Variants in COL16A1 observed in about 807,000 individuals in gnomAD.
COL16A1 encodes collagen type XVI alpha 1 chain.
COL16A1 carries 189 observed loss-of-function variants against 266.3 expected under a neutral mutation model. That is an observed-to-expected ratio of 0.71 (90% CI 0.63 to 0.80). The LOEUF is 0.80. Among genes scored for constraint, COL16A1 ranks in the 30% least tolerant of loss-of-function variants. COL16A1 has a pLI of 0.00. For missense variants in COL16A1, 1,928 were observed against 2,122.4 expected, an observed-to-expected ratio of 0.91 and a Z score of 1.80; for synonymous variants, 740 against 782.3, an observed-to-expected ratio of 0.95 and a Z score of 0.90.
In COL16A1 at chr1:31,689,829, G is replaced by C. The variant is rs767901959; in HGVS notation, c.1532C>G (p.Pro511Arg). ...GTTCTGGAACCCTTCAGGCAGTGTT[G>C]GGCACACTTCACAGGGGTCACCCTA... is the stretch of plus-strand genomic sequence containing the variant. ...GEKGDPCEVCPTLPEGFQNFV... is the reference protein window; with the variant it reads ...GEKGDPCEVCRTLPEGFQNFV... The change falls in exon 23 of 71, where the codon CCA becomes CGA. Residue 511 changes from proline to arginine, a missense_variant. Physicochemically the swap from Pro to Arg is moderately radical, Grantham distance 103 (BLOSUM62 -2). Around this residue, in one of 2 missense-constraint regions of COL16A1, gnomAD observed 1,552 missense variants for 1,637.2 expected, o/e 0.95. Transcript: ENST00000373672. The C allele has an allele frequency of 1.9e-6, 3 of 1,614,030 alleles. No individual in the cohort carries two copies. In the Admixed American group the frequency reaches 5.0e-5, roughly 27 times the overall value.
Position 31,661,073 on chromosome 1 carries a change from C to G in COL16A1, c.3818G>C (p.Gly1273Ala), listed in dbSNP as rs1440070931. The G allele has an allele frequency of 6.4e-7, 1 of 1,564,798 alleles. No individual in the cohort carries two copies. Residue 1273 changes from glycine to alanine, a missense_variant, in exon 61 of 71, where the codon GGC becomes GCC. Coordinates refer to ENST00000373672, the MANE Select transcript of COL16A1 (RefSeq NM_001856.4). ...TGGATCCCTGGCCCTCACCTCTGCG[C>G]CAGGCCGGCCAGTGCTGCCAGGGGG... is the stretch of plus-strand genomic sequence containing the variant. ...PGPPGSTGRP[G>A]AEGEPGAMGP...
At position 31,658,673 on chromosome 1, in the gene COL16A1, C is replaced by G. The variant is rs1468001906; in HGVS notation, c.3931-96G>C. 4.1e-6 allele frequency: 5 copies of G among 1,218,134 alleles called. No individual in the cohort carries two copies. The East Asian group carries it at 1.3e-4, about 31-fold the overall frequency. 75.5% of individuals were successfully genotyped at this position (1,218,134 alleles called of 1,614,324 possible). A position where few individuals can be genotyped will look rare whatever the true frequency, so the allele number is the denominator to read the frequency against. The stretch of plus-strand genomic sequence containing the variant: ...CAGACACCCCATCGTGTGCCAGGGA[C>G]TACAGGGAGAGGTGGCACTGCCTGA... On this transcript the variant is annotated intron_variant, in intron 63 of 70. Transcript: ENST00000373672.
chr1:31,671,229 CAG>C (rs1642662983), intron 48 of COL16A1, among the ~76,000 whole-genome samples: 1 of 152,318 alleles, frequency 6.6e-6, no homozygotes, highest in Non-Finnish European at 1.5e-5. Flanking sequence ...ACTGGAGTCA[CAG>C]GGGCATGGAG....
Position 31,700,030 on chromosome 1 carries a change from T to G in COL16A1, c.148+11A>C. On this transcript the variant is annotated intron_variant, in intron 3 of 70. Coordinates refer to ENST00000373672, the MANE Select transcript of COL16A1 (RefSeq NM_001856.4). The stretch of plus-strand genomic sequence containing the variant: ...TGCAGGGACGGCGCGATGAGATGGT[T>G]GGGTGCTCACCAGTCACGTTGGCTG... The G allele has an allele frequency of 6.2e-7, 1 of 1,614,066 alleles. No homozygotes were observed. The highest frequency in any genetic ancestry group is 1.1e-5 in the South Asian group (1 of 91,078).
Position 31,683,174 on chromosome 1 carries a change from C to G in COL16A1, c.2469+20G>C, listed in dbSNP as rs1192955399. ...CTCTGGAATACTGCAGGCCCAATACCCATGGAGGCAGAGGCTCACCTGGGC... is the reference window on the plus strand; with the variant it reads ...CTCTGGAATACTGCAGGCCCAATACGCATGGAGGCAGAGGCTCACCTGGGC... On this transcript the variant is annotated intron_variant, in intron 36 of 70. Coordinates refer to ENST00000373672, the MANE Select transcript of COL16A1 (RefSeq NM_001856.4). The G allele has an allele frequency of 6.2e-6, 10 of 1,613,990 alleles. No individual in the cohort carries two copies. Among genetic ancestry groups the G allele is most frequent in the Non-Finnish European group, 8.5e-6 (10 of 1,180,022 alleles).
chr1:31,690,976 G>A (rs1448646835), intron 20 of COL16A1, among the ~76,000 whole-genome samples: 1 of 152,224 alleles, frequency 6.6e-6, no homozygotes, highest in Non-Finnish European at 1.5e-5. Context: ...GAACACAGGC[G>A]GAGGTTGCAG....
In COL16A1 at chr1:31,680,162, C is replaced by T. The variant is rs1159348108; in HGVS notation, c.2611-61G>A. On this transcript the variant is annotated intron_variant, in intron 39 of 70. Coordinates refer to ENST00000373672, the MANE Select transcript of COL16A1 (RefSeq NM_001856.4). ...AGACGAAGGGCTCTCTTGAAATGGACATCCGAGAGGCACGTGGGCTCTAGA... is the reference window on the plus strand; with the variant it reads ...AGACGAAGGGCTCTCTTGAAATGGATATCCGAGAGGCACGTGGGCTCTAGA... 5.5e-5 allele frequency: 87 copies of T among 1,578,996 alleles called. 1 individual carries two copies. In the South Asian group the frequency reaches 1.0e-3, roughly 18 times the overall value.
Position 31,668,961 on chromosome 1 carries a change from T to A in COL16A1, c.3196-106A>T. The A allele has an allele frequency of 1.0e-6, 1 of 975,612 alleles. No homozygotes were observed. The allele number at this position is 975,612 out of a possible 1,614,324, so 60.4% of individuals were successfully genotyped here. ...CTTCTGTTCCCACTCCAGGCAAATA[T>A]GGAGGCCATAGTGGCTCTCGTAGTG... On this transcript the variant is annotated intron_variant, in intron 49 of 70. Transcript: ENST00000373672. This position sits in a 1 kb window ranked among gnomAD's most constrained non-coding sequence, Gnocchi z 5.8.
At chr1:31,674,533 A>G (rs966313426) in intron 44 of COL16A1, among the ~76,000 whole-genome samples, 2 of 152,230 alleles carry the variant, frequency 1.3e-5, no homozygotes, top group African/African-American at 4.8e-5. Flanking sequence ...CCTTTCTTAG[A>G]CTACCAGAAG....
In COL16A1 at chr1:31,698,987, C is replaced by A. The variant is rs544351163; in HGVS notation, c.267-381G>T. ...GCAGGCGCCTGTAATCCCAGCTACC[C>A]GGGAGGCTGAGGCAGGAGAATTGCT... On this transcript the variant is annotated intron_variant, in intron 4 of 70. Coordinates refer to ENST00000373672, the MANE Select transcript of COL16A1 (RefSeq NM_001856.4). This position sits in a 1 kb window ranked among gnomAD's most constrained non-coding sequence, Gnocchi z 4.1. Among the ~76,000 whole-genome samples the A allele has an allele frequency of 1.3e-5, 2 of 152,020 alleles. No individual in the cohort carries two copies. The highest frequency in any genetic ancestry group is 2.9e-5 in the Non-Finnish European group (2 of 67,990).
At chr1:31,675,394 C>A in intron 42 of COL16A1, 83 bp from the exon 43 acceptor site, 1 of 1,550,112 alleles carries the variant, frequency 6.5e-7, no homozygotes, top group Non-Finnish European at 8.8e-7. Flanking sequence ...TCATCCCCGC[C>A]TCCTCTTCCC....
chr1:31,679,867 G>A lies in COL16A1; in HGVS notation c.2671-16C>T. The A allele has an allele frequency of 6.6e-7, 1 of 1,505,124 alleles. No homozygotes were observed. The allele number at this position is 1,505,124 out of a possible 1,614,324, so 93.2% of individuals were successfully genotyped here. A position where few individuals can be genotyped will look rare whatever the true frequency, so the allele number is the denominator to read the frequency against. The stretch of plus-strand genomic sequence containing the variant: ...CCGGAGCACCCTGGGTGGGAGTGGG[G>A]GTCGCAAAAGAAGGGGAGAGGTTAT... On this transcript the variant is annotated splice_polypyrimidine_tract_variant and intron_variant, in intron 40 of 70. Coordinates refer to ENST00000373672, the MANE Select transcript of COL16A1 (RefSeq NM_001856.4).
intron 22 of COL16A1, among the ~76,000 whole-genome samples, chr1:31,690,138 C>G (rs1381863106): frequency 4.6e-5 from 7 of 152,226 alleles, no homozygotes; most frequent in African/African-American, 1.7e-4. Context: ...GCTAATTGAT[C>G]TGGCACATTC....
chr1:31,681,172 C>T (rs972743965), intron 37 of COL16A1, 105 bp from the exon 38 acceptor site: 2 of 1,447,664 alleles, frequency 1.4e-6, no homozygotes, highest in Non-Finnish European at 1.8e-6. Flanking sequence ...GCGCCAGGTT[C>T]CCCTGGAGCC....
chr1:31,662,378 C>T lies in COL16A1; in HGVS notation c.3637G>A (p.Gly1213Ser), dbSNP rs755513287. Reference sequence around the variant, plus strand: ...TCCTTCCCATCCAAACCATCCAGACCGGCGGGGCCCTGGAAACAGGAAAGA... The same window carrying T: ...TCCTTCCCATCCAAACCATCCAGACTGGCGGGGCCCTGGAAACAGGAAAGA... ...PGPPGIQGPA[G>S]LDGLDGKDGK... The change falls in exon 58 of 71, where the codon GGT (glycine) becomes AGT (serine). Residue 1213 changes from glycine to serine, a missense_variant. This residue lies in a region of COL16A1 where 1,552 missense variants were observed against 1,637.2 expected (regional missense o/e 0.95). Transcript: ENST00000373672. 68 of 1,612,518 alleles carry T rather than the reference C, an allele frequency of 4.2e-5. No homozygotes were observed. Among genetic ancestry groups the T allele is most frequent in the Admixed American group, 5.0e-5 (3 of 59,876 alleles).
At position 31,668,333 on chromosome 1, in the gene COL16A1, C is replaced by G. The variant is rs564848476; in HGVS notation, c.3250-115G>C. On this transcript the variant is annotated intron_variant, in intron 50 of 70. Coordinates refer to ENST00000373672, the MANE Select transcript of COL16A1 (RefSeq NM_001856.4). The surrounding 1 kb of genome is among the most constrained non-coding windows in gnomAD (Gnocchi z 5.8). ...GGGGCTGCCATCTAGCAGGTGCCAG[C>G]CTGCCCCAGCATTGCACACTGGGCC... 38 of 1,113,834 alleles carry G rather than the reference C, an allele frequency of 3.4e-5. No homozygotes were observed. The highest frequency in any genetic ancestry group is 5.2e-5 in the South Asian group (4 of 76,276). 69.0% of individuals were successfully genotyped at this position (1,113,834 alleles called of 1,614,324 possible). A position where few individuals can be genotyped will look rare whatever the true frequency, so the allele number is the denominator to read the frequency against.
At chr1:31,701,645 G>T in intron 2 of COL16A1, 5 of 851,434 alleles carry the variant, frequency 5.9e-6, no homozygotes, top group Non-Finnish European at 7.1e-6. Flanking sequence ...CGTGGAGGAG[G>T]AGAAGCACGT....
rs373122885 is a variant in COL16A1, at chr1:31,700,014, G to T, written c.148+27C>A. On this transcript the variant is annotated intron_variant, in intron 3 of 70. Transcript: ENST00000373672. ...ACTCCCAGAGGAAGGTTGCAGGGAC[G>T]GCGCGATGAGATGGTTGGGTGCTCA... is the stretch of plus-strand genomic sequence containing the variant. The T allele has an allele frequency of 1.1e-5, 17 of 1,613,286 alleles. No homozygotes were observed. In the Admixed American group the frequency reaches 1.3e-4, roughly 13 times the overall value.
intron 29 of COL16A1, 68 bp from the exon 30 acceptor site, chr1:31,684,924 C>G (rs2148776404): frequency 6.2e-7 from 1 of 1,608,850 alleles, no homozygotes; most frequent in Non-Finnish European, 8.5e-7. Context: ...GGCACCACAT[C>G]AGGCTGGGGC....
Sources: gnomAD v4.1 joint callset for allele counts (sites outside exome capture counted in the v4.1 genomes callset) on GRCh38, gnomAD v4.1.1 for gene constraint, gnomAD v4.1.1 regional missense constraint, Gnocchi (gnomAD v3.1) non-coding constraint, MANE v1.5 for transcripts, NCBI Gene and HGNC (gene_info 2026-07-23, HGNC 2026-07-21) for gene names.